The following ULK4 variants were observed in gnomAD, a reference collection of about 807,000 sequenced individuals.
The protein encoded by ULK4 is inactive serine/threonine-protein kinase ULK4.
ULK4 carries 133 observed loss-of-function variants against 160.6 expected under a neutral mutation model. The observed-to-expected ratio is 0.83, with a 90% confidence interval of 0.72 to 0.96. The LOEUF (loss-of-function observed/expected upper bound fraction) is 0.96, where lower values mean the gene tolerates loss of function less well. Among genes scored for constraint, ULK4 ranks in the 40% least tolerant of loss-of-function variants. The pLI, the probability that ULK4 is intolerant of heterozygous loss-of-function variation, is 0.00. For synonymous variants in ULK4, 534 were observed against 539.8 expected, an observed-to-expected ratio of 0.99 and a Z score of 0.15; for missense variants, 1,580 against 1,499.5, an observed-to-expected ratio of 1.05 and a Z score of -0.89.
chr3:41,900,205 C>G (rs1698301022), intron 13 of ULK4, among the ~76,000 whole-genome samples: 1 of 150,974 alleles, frequency 6.6e-6, no homozygotes, highest in Non-Finnish European at 1.5e-5. Context: ...TGAACTACAA[C>G]TTCGCAAGCT....
chr3:41,295,818 A>T (rs915362542), intron 35 of ULK4, among the ~76,000 whole-genome samples: 1 of 152,236 alleles, frequency 6.6e-6, no homozygotes, highest in Non-Finnish European at 1.5e-5. Context: ...ACTCTCGCTC[A>T]TTGCTGGTAA....
chr3:41,716,312 G>A (rs1417167235), intron 23 of ULK4, among the ~76,000 whole-genome samples: 3 of 151,496 alleles, frequency 2.0e-5, no homozygotes, highest in Non-Finnish European at 4.4e-5. Flanking sequence ...GAATAGGTTG[G>A]AGGTAAAAAG....
At chr3:41,959,109 AT>A (rs764910844) in intron 1 of ULK4, among the ~76,000 whole-genome samples, 2 of 152,166 alleles carry the variant, frequency 1.3e-5, no homozygotes, top group Non-Finnish European at 2.9e-5. Flanking sequence ...TACGCCTGTA[AT>A]CCCAGCACTT....
intron 5 of ULK4, among the ~76,000 whole-genome samples, chr3:41,928,257 A>C: frequency 6.6e-6 from 1 of 152,218 alleles, no homozygotes; most frequent in East Asian, 1.9e-4. Context: ...ACTACTGGGT[A>C]AATAATGAAA....
intron 35 of ULK4, among the ~76,000 whole-genome samples, chr3:41,379,769 A>G (rs2081605600): frequency 1.3e-5 from 2 of 152,220 alleles, no homozygotes; most frequent in Non-Finnish European, 2.9e-5. Flanking sequence ...ACACAGATCA[A>G]AAAGGTCACT....
At chr3:41,273,230 C>T (rs1276004949) in intron 35 of ULK4, among the ~76,000 whole-genome samples, 4 of 152,060 alleles carry the variant, frequency 2.6e-5, no homozygotes, top group Admixed American at 1.3e-4. Flanking sequence ...TGAGGTCTTG[C>T]TTTTCTGATT....
chr3:41,366,573 A>ACACACACACACT lies in ULK4; in HGVS notation c.3678+31505_3678+31506insAGTGTGTGTGTG, dbSNP rs4016417. ...TACACACACACACACACACACACACACTTTATCTATATACCTATTATGTAT... is the reference window on the plus strand; with the variant it reads ...TACACACACACACACACACACACACACACACACACACTCTTTATCTATATACCTATTATGTAT... On this transcript the variant is annotated intron_variant, in intron 35 of 36. Coordinates refer to ENST00000301831, the MANE Select transcript of ULK4 (RefSeq NM_017886.4). Among the ~76,000 whole-genome samples the ACACACACACACT allele has an allele frequency of 5.9e-5, 9 of 151,556 alleles. No homozygotes were observed. In the East Asian group the frequency reaches 1.6e-3, roughly 26 times the overall value.
intron 22 of ULK4, among the ~76,000 whole-genome samples, chr3:41,750,604 A>G (rs537680041): frequency 2.0e-5 from 3 of 152,086 alleles, no homozygotes; most frequent in African/African-American, 7.2e-5. Flanking sequence ...CCAGTTCTAG[A>G]CTTTCCAAAA....
chr3:41,856,592 TATATATATATGTGTATATATATAC>T (rs2042365558), intron 17 of ULK4, among the ~76,000 whole-genome samples: 3 of 67,812 alleles, frequency 4.4e-5, no homozygotes, highest in African/African-American at 2.9e-4. Context: ...TATATACACA[TATATATATATGTGTATATATATAC>T]ACATATATAT....
At chr3:41,657,470 A>G (rs2034980223) in intron 30 of ULK4, among the ~76,000 whole-genome samples, 1 of 152,120 alleles carries the variant, frequency 6.6e-6, no homozygotes, top group African/African-American at 2.4e-5. Context: ...ATTTTTACAT[A>G]TTTGGAAATC....
rs972521428 is a variant in ULK4 at position 41,473,212 on chromosome 3, T to C, written c.3227-9959A>G. 2.6e-5 allele frequency among the ~76,000 whole-genome samples: 4 copies of C among 152,202 alleles called. No homozygotes were observed. In the South Asian group the frequency reaches 6.2e-4, roughly 24 times the overall value. The stretch of plus-strand genomic sequence containing the variant: ...AGGATGCCCACTCTTGCCACTTATA[T>C]TGAACACAGTATTAGAAGACTTTAC... On this transcript the variant is annotated intron_variant, in intron 32 of 36. Transcript: ENST00000301831.
chr3:41,960,101 C>T (rs1700619042), intron 1 of ULK4, among the ~76,000 whole-genome samples: 1 of 151,494 alleles, frequency 6.6e-6, no homozygotes, highest in African/African-American at 2.4e-5. Context: ...AGCAATCCTC[C>T]TGCCTCAGCC....
Position 41,734,062 on chromosome 3 carries a change from G to A in ULK4, c.2322-16201C>T, listed in dbSNP as rs115228032. On this transcript the variant is annotated intron_variant, in intron 22 of 36. Transcript: ENST00000301831. ...TAGATGTTTTCATCAAATTGTTCCA[G>A]CTTTTGTGTGGAAAACATATTACTG... Among the ~76,000 whole-genome samples the A allele has an allele frequency of 6.8e-3, 1,040 of 152,112 alleles. 12 individuals are homozygous for A. Among genetic ancestry groups the A allele is most frequent in the African/African-American group, 0.023 (966 of 41,466 alleles).
intron 19 of ULK4, among the ~76,000 whole-genome samples, chr3:41,817,086 G>GTGTA (rs1386194096): frequency 2.0e-5 from 3 of 152,040 alleles, no homozygotes; most frequent in Non-Finnish European, 2.9e-5. Context: ...GTGTGTGTGT[G>GTGTA]TGTGTACTCA....
chr3:41,625,214 T>C (rs2033442654), intron 30 of ULK4, among the ~76,000 whole-genome samples: 1 of 152,228 alleles, frequency 6.6e-6, no homozygotes, highest in Non-Finnish European at 1.5e-5. Flanking sequence ...GCACATAGTA[T>C]TGTTCTGTAA....
intron 33 of ULK4, among the ~76,000 whole-genome samples, chr3:41,461,169 A>G (rs1004362543): frequency 6.6e-6 from 1 of 152,152 alleles, no homozygotes; most frequent in Admixed American, 6.5e-5. Flanking sequence ...TACTTGCATC[A>G]TACCACTCTC....
rs139248148 is a variant in ULK4 at position 41,884,762 on chromosome 3, G to A, written c.1578-810C>T. Among the ~76,000 whole-genome samples the A allele has an allele frequency of 3.1e-3, 474 of 152,252 alleles. 1 individual carries two copies. The highest frequency in any genetic ancestry group is 0.011 in the African/African-American group (450 of 41,552). Reference sequence around the variant, plus strand: ...GAGAAGTACTACAGGGAAAATGTCTGCGTTATCACAACTCTAACATACAGA... The same window carrying A: ...GAGAAGTACTACAGGGAAAATGTCTACGTTATCACAACTCTAACATACAGA... On this transcript the variant is annotated intron_variant, in intron 16 of 36. Transcript: ENST00000301831.
At chr3:41,384,262 G>A (rs1249739218) in intron 35 of ULK4, among the ~76,000 whole-genome samples, 1 of 152,020 alleles carries the variant, frequency 6.6e-6, no homozygotes, top group Non-Finnish European at 1.5e-5. Flanking sequence ...TCCAGAGTAT[G>A]AGATATTCCA....
intron 35 of ULK4, among the ~76,000 whole-genome samples, chr3:41,382,270 C>A (rs922194447): frequency 2.0e-3 from 298 of 152,240 alleles, no homozygotes; most frequent in East Asian, 3.5e-3. Context: ...CTGCTGTATC[C>A]CCAACATTGA....
Sources: gnomAD v4.1 joint callset for allele counts (sites outside exome capture counted in the v4.1 genomes callset) on GRCh38, gnomAD v4.1.1 for gene constraint, MANE v1.5 for transcripts, NCBI Gene and HGNC (gene_info 2026-07-23, HGNC 2026-07-21) for gene names.